ROBO2: variants seen among roughly 807,000 people sequenced by gnomAD.
ROBO2 encodes the protein roundabout guidance receptor 2, also known as roundabout homolog 2.
Under a neutral mutation model 160.8 loss-of-function variants are expected in ROBO2, and 53 were observed. The ratio of observed to expected loss-of-function variants is 0.33; its 90% CI spans 0.26 to 0.41. ROBO2 has a LOEUF of 0.41. Ranked by LOEUF, ROBO2 falls within the 10% of genes least tolerant of loss-of-function variation. ROBO2 has a pLI of 1.00. For synonymous variants in ROBO2, 664 were observed against 611.7 expected, an observed-to-expected ratio of 1.09 and a Z score of -1.26; for missense variants, 1,577 against 1,722.4, an observed-to-expected ratio of 0.92 and a Z score of 1.49.
chr3:76,371,518 A>G lies in ROBO2; in HGVS notation c.109+433916A>G, dbSNP rs556947151. On this transcript the variant is annotated intron_variant, in intron 2 of 26. Coordinates refer to the ROBO2 transcript ENST00000487694. Reference sequence around the variant, plus strand: ...CAATCTGTTATATACGTAATTGTATATGAGTCTTTGCACATACTGTATTGA... The same window carrying G: ...CAATCTGTTATATACGTAATTGTATGTGAGTCTTTGCACATACTGTATTGA... Among the ~76,000 whole-genome samples the G allele has an allele frequency of 2.0e-4, 30 of 151,996 alleles. 1 individual carries two copies. Among genetic ancestry groups the G allele is most frequent in the African/African-American group, 7.0e-4 (29 of 41,518 alleles).
intron 2 of ROBO2, among the ~76,000 whole-genome samples, chr3:77,338,006 G>A (rs990429464): frequency 2.0e-5 from 3 of 152,064 alleles, no homozygotes; most frequent in African/African-American, 7.2e-5. Context: ...ACATTCCATG[G>A]AACTTTCATA....
At chr3:75,927,986 T>C (rs1179957823) in intron 1 of ROBO2, among the ~76,000 whole-genome samples, 3 of 139,570 alleles carry the variant, frequency 2.1e-5, no homozygotes, top group Non-Finnish European at 3.1e-5. Context: ...CTTTTTTTTT[T>C]TTTTTTTTTT....
At chr3:76,223,045 G>C (rs139205125) in intron 2 of ROBO2, among the ~76,000 whole-genome samples, 1 of 151,576 alleles carries the variant, frequency 6.6e-6, no homozygotes, top group Non-Finnish European at 1.5e-5. Context: ...ATGCGCCACC[G>C]CACGCAGCCC....
chr3:76,580,227 T>G (rs1217199488), intron 2 of ROBO2, among the ~76,000 whole-genome samples: 1 of 147,684 alleles, frequency 6.8e-6, no homozygotes, highest in Non-Finnish European at 1.5e-5. Flanking sequence ...CATTATTCAT[T>G]ATTATATTGT....
At chr3:76,987,367 A>G (rs1338801460) in intron 2 of ROBO2, among the ~76,000 whole-genome samples, 1 of 152,124 alleles carries the variant, frequency 6.6e-6, no homozygotes, top group Non-Finnish European at 1.5e-5. Flanking sequence ...GGAGGGAATC[A>G]TGCGTCACAG....
chr3:76,063,172 C>T (rs189307010), intron 2 of ROBO2, among the ~76,000 whole-genome samples: 1 of 152,006 alleles, frequency 6.6e-6, no homozygotes, highest in African/African-American at 2.4e-5. Context: ...AATGAGTCAC[C>T]GTATCTGGCA....
intron 6 of ROBO2, among the ~76,000 whole-genome samples, chr3:77,535,087 T>A (rs2092005559): frequency 2.6e-5 from 4 of 152,340 alleles, no homozygotes; most frequent in Middle Eastern, 3.4e-3. Context: ...GATGGTGACT[T>A]ACTAAGCGTG....
intron 1 of ROBO2, among the ~76,000 whole-genome samples, chr3:75,909,629 G>A (rs921015355): frequency 2.2e-4 from 33 of 152,060 alleles, no homozygotes; most frequent in African/African-American, 7.7e-4. Flanking sequence ...TAAATTTTCT[G>A]GAATGTCAAA....
At chr3:76,461,924 G>A (rs903142867) in intron 2 of ROBO2, among the ~76,000 whole-genome samples, 4 of 152,034 alleles carry the variant, frequency 2.6e-5, no homozygotes, top group African/African-American at 7.2e-5. Context: ...AAACTTTAAC[G>A]TAAGCATAAC....
intron 2 of ROBO2, among the ~76,000 whole-genome samples, chr3:76,410,645 A>T (rs1236324546): frequency 6.6e-6 from 1 of 152,130 alleles, no homozygotes; most frequent in Non-Finnish European, 1.5e-5. Context: ...GCCTAATATA[A>T]GTTTGAACAC....
At chr3:76,441,972 A>G (rs998968838) in intron 2 of ROBO2, among the ~76,000 whole-genome samples, 1 of 152,226 alleles carries the variant, frequency 6.6e-6, no homozygotes, top group Non-Finnish European at 1.5e-5. Flanking sequence ...AGAGAGAGAA[A>G]GAATCTGAGA....
chr3:76,646,058 G>A (rs757593996), intron 2 of ROBO2, among the ~76,000 whole-genome samples: 13 of 152,164 alleles, frequency 8.5e-5, no homozygotes, highest in Non-Finnish European at 1.5e-4. Context: ...TGTTCGAGAC[G>A]TGATTCCTCA....
intron 1 of ROBO2, among the ~76,000 whole-genome samples, chr3:77,084,553 T>C (rs1042955815): frequency 6.6e-6 from 1 of 152,136 alleles, no homozygotes; most frequent in African/African-American, 2.4e-5. Context: ...TGTTCCACTC[T>C]TGTGCTTTGT....
intron 2 of ROBO2, among the ~76,000 whole-genome samples, chr3:77,466,925 A>G (rs1490963356): frequency 1.3e-5 from 2 of 152,230 alleles, no homozygotes; most frequent in Admixed American, 6.5e-5. Flanking sequence ...AATACACAAC[A>G]GTAGAGAAAT....
chr3:76,978,497 C>T (rs1417301731), intron 2 of ROBO2, among the ~76,000 whole-genome samples: 1 of 152,022 alleles, frequency 6.6e-6, no homozygotes, highest in Admixed American at 6.6e-5. Context: ...GCGATGGATT[C>T]TTCTAAATAG....
At chr3:77,291,735 G>A (rs1330022937) in intron 2 of ROBO2, among the ~76,000 whole-genome samples, 5 of 151,828 alleles carry the variant, frequency 3.3e-5, no homozygotes, top group Non-Finnish European at 7.4e-5. Flanking sequence ...CAGTTAAACG[G>A]GTAAGCTGAG....
chr3:76,432,437 G>A (rs915326991), intron 2 of ROBO2, among the ~76,000 whole-genome samples: 2 of 152,080 alleles, frequency 1.3e-5, no homozygotes, highest in Non-Finnish European at 2.9e-5. Context: ...GCCTTAGGTG[G>A]GTGACTCTGG....
At chr3:76,342,082 C>A (rs1166948469) in intron 2 of ROBO2, among the ~76,000 whole-genome samples, 1 of 152,100 alleles carries the variant, frequency 6.6e-6, no homozygotes, top group Admixed American at 6.6e-5. Context: ...TCCTGGTAGA[C>A]AATCTAATTA....
At chr3:76,609,691 C>T (rs2109058372) in intron 2 of ROBO2, among the ~76,000 whole-genome samples, 1 of 152,318 alleles carries the variant, frequency 6.6e-6, no homozygotes, top group Non-Finnish European at 1.5e-5. Context: ...TCTGCCTTTA[C>T]AATGTGGATG....
Sources: allele counts gnomAD v4.1 joint callset (sites outside exome capture counted in the v4.1 genomes callset), GRCh38; gene constraint gnomAD v4.1.1; transcripts MANE v1.5; gene names NCBI Gene and HGNC (gene_info 2026-07-23, HGNC 2026-07-21).